The following SLC44A5 variants were observed in gnomAD, a reference collection of about 807,000 sequenced individuals.
The protein encoded by SLC44A5 is choline transporter-like protein 5.
Under a neutral mutation model 101.8 loss-of-function variants are expected in SLC44A5, and 57 were observed. The observed-to-expected ratio is 0.56, with a 90% CI of 0.45 to 0.70. The LOEUF is 0.70. SLC44A5 is among the 30% of genes least tolerant of loss of function. The probability of loss-of-function intolerance (pLI) is 0.00; values close to 1 mark genes in which losing one functional copy is unlikely to be tolerated. For missense variants in SLC44A5, 737 were observed against 853.1 expected (o/e 0.86, Z 1.70); for synonymous variants, 281 against 290.9 (o/e 0.97, Z 0.35).
chr1:75,689,927 C>G, the SLC44A5 span, among the ~76,000 whole-genome samples: 2 of 152,094 alleles, frequency 1.3e-5, no homozygotes, highest in African/African-American at 4.8e-5. Flanking sequence ...TCAACCAATC[C>G]CTGCCTCAGA....
rs953189389 is a variant in SLC44A5, at chr1:75,401,763, G to A, written c.14-5142C>T. Among the ~76,000 whole-genome samples, 3 of 152,206 alleles carry A rather than the reference G, an allele frequency of 2.0e-5. No individual in the cohort carries two copies. The East Asian group carries it at 5.8e-4, about 29-fold the overall frequency. On this transcript the variant is annotated intron_variant, in intron 2 of 23. Transcript: ENST00000370859. ...CACGGAGGTTTGAGATGGACCTGAG[G>A]CTGCTGAGTATCACCTGTAACCTTC... is the stretch of plus-strand genomic sequence containing the variant.
chr1:75,389,689 T>C (rs1448672948), intron 3 of SLC44A5, among the ~76,000 whole-genome samples: 2 of 152,170 alleles, frequency 1.3e-5, no homozygotes, highest in Admixed American at 6.5e-5. Flanking sequence ...TTTATAGCAC[T>C]ACATACCTAT....
chr1:75,539,680 C>A (rs1413856742), intron 2 of SLC44A5, among the ~76,000 whole-genome samples: 1 of 152,130 alleles, frequency 6.6e-6, no homozygotes, highest in Non-Finnish European at 1.5e-5. Context: ...CCCAAGGAAT[C>A]TGACTCATAA....
At chr1:75,539,933 C>T (rs1671266778) in intron 2 of SLC44A5, among the ~76,000 whole-genome samples, 1 of 152,040 alleles carries the variant, frequency 6.6e-6, no homozygotes, top group Non-Finnish European at 1.5e-5. Context: ...TAGGTAACAC[C>T]CAACTTATGA....
Position 75,396,606 on chromosome 1 carries a change from G to A in SLC44A5, c.29C>T (p.Thr10Ile). 1.2e-6 allele frequency: 2 copies of A among 1,612,780 alleles called. No homozygotes were observed. The highest frequency in any genetic ancestry group is 2.2e-5 in the East Asian group (1 of 44,818). Residue 10 changes from threonine (T) to isoleucine (I), a missense_variant, in exon 3 of 24, where the codon ACT (threonine) becomes ATT (isoleucine). Physicochemically the swap from Thr to Ile is moderately conservative, Grantham distance 89 (BLOSUM62 -1). Around this residue, in one of 3 missense-constraint regions of SLC44A5, gnomAD observed 665 missense variants for 764.4 expected, o/e 0.87. Coordinates refer to ENST00000370859, the MANE Select transcript of SLC44A5 (RefSeq NM_001130058.2). MNDTEKPAD[T>I]PSEEEDFGDP... Reference sequence around the variant, plus strand: ...ACCAAAGTCCTCTTCCTCAGAGGGAGTATCTGCTGGTTTTTCTAGGAAAAA... The same window carrying A: ...ACCAAAGTCCTCTTCCTCAGAGGGAATATCTGCTGGTTTTTCTAGGAAAAA...
chr1:75,356,886 G>A (rs182146253), intron 3 of SLC44A5, among the ~76,000 whole-genome samples: 14 of 152,260 alleles, frequency 9.2e-5, no homozygotes, highest in Non-Finnish European at 1.5e-5. Context: ...ATAACATGCT[G>A]TACAGATTTG....
Position 75,419,340 on chromosome 1 carries a change from A to G in SLC44A5, c.14-22719T>C, listed in dbSNP as rs377398459. Among the ~76,000 whole-genome samples, 56 of 152,194 alleles carry G rather than the reference A, an allele frequency of 3.7e-4. No homozygotes were observed. In the South Asian group the frequency reaches 0.011, roughly 30 times the overall value. On this transcript the variant is annotated intron_variant, in intron 2 of 23. Coordinates refer to ENST00000370859, the MANE Select transcript of SLC44A5 (RefSeq NM_001130058.2). ...TCAAATTGATGAAAAACAGCAAAAC[A>G]GAAAGTAAAATCTTAAAAGTAGCCA...
the SLC44A5 span, among the ~76,000 whole-genome samples, chr1:75,723,515 G>T: frequency 6.6e-6 from 1 of 152,144 alleles, no homozygotes; most frequent in Non-Finnish European, 1.5e-5. Context: ...CACGTGTACA[G>T]TAAGAAGGGG....
chr1:75,422,552 G>A (rs531465313), intron 2 of SLC44A5, among the ~76,000 whole-genome samples: 1 of 152,308 alleles, frequency 6.6e-6, no homozygotes, highest in East Asian at 1.9e-4. Flanking sequence ...TGCACCAACT[G>A]ATACCATACA....
At chr1:75,391,856 A>G (rs562317680) in intron 3 of SLC44A5, among the ~76,000 whole-genome samples, 8 of 152,284 alleles carry the variant, frequency 5.3e-5, no homozygotes, top group Admixed American at 1.3e-4. Context: ...TTTTAACAAC[A>G]ACGACAAAAA....
intron 1 of SLC44A5, among the ~76,000 whole-genome samples, chr1:75,556,886 A>G (rs1434261998): frequency 1.3e-5 from 2 of 152,042 alleles, no homozygotes; most frequent in Non-Finnish European, 2.9e-5. Flanking sequence ...ATAAAGAAAG[A>G]CGGGTGATGA....
At chr1:75,211,949 C>T (rs1291783337) in intron 22 of SLC44A5, among the ~76,000 whole-genome samples, 1 of 147,238 alleles carries the variant, frequency 6.8e-6, no homozygotes, top group Non-Finnish European at 1.5e-5. Context: ...CTTAATAAAA[C>T]AGAAGTTTAT....
intron 2 of SLC44A5, among the ~76,000 whole-genome samples, chr1:75,533,973 A>G (rs551689339): frequency 6.6e-6 from 1 of 152,346 alleles, no homozygotes; most frequent in East Asian, 1.9e-4. Context: ...TCATAAAAAA[A>G]GCAGATAATT....
intron 6 of SLC44A5, among the ~76,000 whole-genome samples, chr1:75,269,209 A>G (rs1336879518): frequency 6.6e-6 from 1 of 152,002 alleles, no homozygotes; most frequent in African/African-American, 2.4e-5. Flanking sequence ...TTCTATCATT[A>G]TTGGCCATTA....
intron 2 of SLC44A5, among the ~76,000 whole-genome samples, chr1:75,438,227 G>A (rs778279933): frequency 2.0e-5 from 3 of 152,134 alleles, no homozygotes; most frequent in Non-Finnish European, 4.4e-5. Flanking sequence ...CAATCTGGAA[G>A]TTATTGATGA....
intron 7 of SLC44A5, among the ~76,000 whole-genome samples, 155 bp from the exon 8 acceptor site, chr1:75,243,166 T>C (rs1392918340): frequency 2.0e-5 from 3 of 152,110 alleles, no homozygotes; most frequent in Non-Finnish European, 4.4e-5. Flanking sequence ...TCTCTCTTTT[T>C]CTTTCTTTTT....
chr1:75,712,816 G>GA, the SLC44A5 span, among the ~76,000 whole-genome samples: 1 of 151,346 alleles, frequency 6.6e-6, no homozygotes, highest in Non-Finnish European at 1.5e-5. Flanking sequence ...TTATCTGAGG[G>GA]AAAAAAATAT....
chr1:75,673,512 C>T, the SLC44A5 span, among the ~76,000 whole-genome samples: 3 of 152,142 alleles, frequency 2.0e-5, no homozygotes, highest in Admixed American at 2.0e-4. Flanking sequence ...AAGGGAAAGA[C>T]ACAAGCCTGA....
At chr1:75,257,311 G>A (rs1161939475) in intron 6 of SLC44A5, among the ~76,000 whole-genome samples, 1 of 152,126 alleles carries the variant, frequency 6.6e-6, no homozygotes, top group African/African-American at 2.4e-5. Flanking sequence ...TTGGATGCAA[G>A]GCTTAAAAGG....
Sources: allele counts gnomAD v4.1 joint callset (sites outside exome capture counted in the v4.1 genomes callset), GRCh38; gene constraint gnomAD v4.1.1; regional missense constraint gnomAD v4.1.1; transcripts MANE v1.5; gene names NCBI Gene and HGNC (gene_info 2026-07-23, HGNC 2026-07-21).